Variants in NTM observed in about 807,000 individuals in gnomAD.
NTM encodes the protein IgLON family member 2.
In NTM, 13 loss-of-function variants were observed where a neutral mutation model predicts 42.1. The ratio of observed to expected loss-of-function variants is 0.31; its 90% confidence interval spans 0.20 to 0.49. NTM has a LOEUF of 0.49. Ranked by LOEUF, NTM falls within the 20% of genes least tolerant of loss-of-function variation. The probability of loss-of-function intolerance (pLI) is 0.99; values close to 1 mark genes in which losing one functional copy is unlikely to be tolerated. For synonymous variants in NTM, 187 were observed against 179.2 expected (o/e 1.04, Z -0.35); for missense variants, 373 against 452.8 (o/e 0.82, Z 1.60).
chr11:131,476,672 G>T (rs7936638), intron 1 of NTM, among the ~76,000 whole-genome samples: 8 of 152,058 alleles, frequency 5.3e-5, no homozygotes, highest in Non-Finnish European at 1.0e-4. Context: ...AAAGGAGAGA[G>T]CCTAAAGACA....
At chr11:131,770,868 C>T (rs1009133663) in intron 1 of NTM, 14 of 152,150 alleles carry the variant, frequency 9.2e-5, no homozygotes, top group African/African-American at 3.4e-4. Context: ...AACAGACACC[C>T]TATGCGTCTG....
At chr11:132,079,249 C>T (rs1282324962) in intron 2 of NTM, among the ~76,000 whole-genome samples, 1 of 152,190 alleles carries the variant, frequency 6.6e-6, no homozygotes, top group Non-Finnish European at 1.5e-5. Flanking sequence ...AGCTGCTTTT[C>T]TACACTCTTT....
intron 1 of NTM, among the ~76,000 whole-genome samples, chr11:131,503,790 G>A (rs2047138618): frequency 6.6e-6 from 1 of 152,124 alleles, no homozygotes; most frequent in African/African-American, 2.4e-5. Flanking sequence ...GACTACAGGT[G>A]CGAGCCACCA....
chr11:131,458,839 G>T (rs1395974982), intron 1 of NTM, among the ~76,000 whole-genome samples: 4 of 152,172 alleles, frequency 2.6e-5, no homozygotes, highest in Non-Finnish European at 5.9e-5. Flanking sequence ...CAGTTTTCTG[G>T]GTTCCACTCA....
chr11:131,498,722 A>G (rs971751790), intron 1 of NTM, among the ~76,000 whole-genome samples: 11 of 152,178 alleles, frequency 7.2e-5, no homozygotes, highest in African/African-American at 2.7e-4. Flanking sequence ...CTGGGGCCTG[A>G]AAGGGAGCTC....
chr11:132,062,479 A>G (rs994731023), intron 2 of NTM, among the ~76,000 whole-genome samples: 3 of 139,832 alleles, frequency 2.1e-5, no homozygotes, highest in African/African-American at 8.5e-5. Flanking sequence ...GCTGAAGAAT[A>G]TGATGGAAGA....
At chr11:131,949,290 A>G (rs1237035785) in intron 2 of NTM, among the ~76,000 whole-genome samples, 1 of 152,154 alleles carries the variant, frequency 6.6e-6, no homozygotes, top group Admixed American at 6.5e-5. Context: ...GGCTATTGTG[A>G]CTAGTGGTGC....
intron 3 of NTM, among the ~76,000 whole-genome samples, chr11:132,201,612 G>C (rs2081165720): frequency 6.6e-6 from 1 of 152,216 alleles, no homozygotes; most frequent in African/African-American, 2.4e-5. Context: ...GGATGGATGT[G>C]AAGAAACCTT....
At chr11:131,912,656 G>C (rs1483180683) in intron 2 of NTM, among the ~76,000 whole-genome samples, 1 of 152,170 alleles carries the variant, frequency 6.6e-6, no homozygotes, top group Admixed American at 6.5e-5. Context: ...GCCTCTCCTT[G>C]GTTTAGTCTG....
chr11:132,001,557 T>C (rs2069237081), intron 2 of NTM, among the ~76,000 whole-genome samples: 1 of 151,906 alleles, frequency 6.6e-6, no homozygotes, highest in Admixed American at 6.6e-5. Flanking sequence ...AGCAAGTATC[T>C]CCACATGGTG....
chr11:131,508,375 T>G (rs2047771767), intron 1 of NTM, among the ~76,000 whole-genome samples: 1 of 150,304 alleles, frequency 6.7e-6, no homozygotes, highest in Non-Finnish European at 1.5e-5. Flanking sequence ...CATTAAAAAG[T>G]CAGGAAACAA....
intron 2 of NTM, among the ~76,000 whole-genome samples, chr11:132,128,134 A>T (rs557998471): frequency 2.0e-5 from 3 of 152,182 alleles, no homozygotes; most frequent in Non-Finnish European, 4.4e-5. Context: ...TGGGGACAGG[A>T]CGCTGGAGAG....
intron 6 of NTM, among the ~76,000 whole-genome samples, chr11:132,314,172 CCATCACCATCATCAT>C (rs1412660858): frequency 2.8e-4 from 41 of 148,108 alleles, no homozygotes; most frequent in Admixed American, 1.1e-3. Flanking sequence ...GTCATCATCA[CCATCACCATCATCAT>C]CATCAGGCCC....
intron 1 of NTM, among the ~76,000 whole-genome samples, chr11:131,477,961 G>T (rs1052161927): frequency 4.6e-5 from 7 of 151,824 alleles, no homozygotes; most frequent in African/African-American, 1.7e-4. Flanking sequence ...ATTCCCTTGG[G>T]TTACACACAG....
At chr11:131,701,996 G>A (rs1218209683) in intron 1 of NTM, among the ~76,000 whole-genome samples, 1 of 152,206 alleles carries the variant, frequency 6.6e-6, no homozygotes, top group Non-Finnish European at 1.5e-5. Flanking sequence ...CACAACCATG[G>A]CTCCTGTCCT....
chr11:131,759,283 G>T (rs2083774351), intron 1 of NTM, among the ~76,000 whole-genome samples: 2 of 152,186 alleles, frequency 1.3e-5, no homozygotes, highest in South Asian at 4.1e-4. Context: ...TTCAGGGAAT[G>T]AGAAATTAAT....
chr11:131,397,014 A>C (rs561016721), intron 1 of NTM, among the ~76,000 whole-genome samples: 1 of 152,200 alleles, frequency 6.6e-6, no homozygotes, highest in Non-Finnish European at 1.5e-5. Flanking sequence ...GAGTCTTCCC[A>C]AGGGGCTAAG....
chr11:131,439,515 G>C (rs1479511226), intron 1 of NTM, among the ~76,000 whole-genome samples: 1 of 152,224 alleles, frequency 6.6e-6, no homozygotes, highest in Non-Finnish European at 1.5e-5. Flanking sequence ...CTCAGCAATG[G>C]TGGATGCCCC....
chr11:131,489,616 G>A (rs966603638), intron 1 of NTM, among the ~76,000 whole-genome samples: 1 of 152,150 alleles, frequency 6.6e-6, no homozygotes, highest in African/African-American at 2.4e-5. Context: ...TTTACCCGAA[G>A]GCCCATATTT....
Sources: gnomAD v4.1 joint callset for allele counts (sites outside exome capture counted in the v4.1 genomes callset) on GRCh38, gnomAD v4.1.1 for gene constraint, MANE v1.5 for transcripts, NCBI Gene and HGNC (gene_info 2026-07-23, HGNC 2026-07-21) for gene names.